SPATA3: variants seen among roughly 807,000 people sequenced by gnomAD.
SPATA3 encodes the protein spermatogenesis associated 3.
A neutral mutation model predicts 5.7 loss-of-function variants in SPATA3; 6 were observed. The ratio of observed to expected loss-of-function variants is 1.06; its 90% CI spans 0.58 to 2.09. SPATA3 has a LOEUF of 2.09. Ranked by LOEUF, SPATA3 falls within the 30% of genes most tolerant of loss-of-function variation. SPATA3 has a pLI of 0.00. For missense variants in SPATA3, 155 were observed against 130.4 expected, an observed-to-expected ratio of 1.19 and a Z score of -0.92; for synonymous variants, 44 against 48.4, an observed-to-expected ratio of 0.91 and a Z score of 0.37.
downstream of SPATA3, among the ~76,000 whole-genome samples, chr2:231,005,553 C>T (rs370464208): frequency 3.6e-4 from 23 of 63,184 alleles, no homozygotes; most frequent in South Asian, 4.8e-4. Flanking sequence ...ATCATCACCA[C>T]CACCATCATC....
chr2:230,997,762 G>A (rs948730473), intron 1 of SPATA3, among the ~76,000 whole-genome samples: 1 of 152,230 alleles, frequency 6.6e-6, no homozygotes, highest in Non-Finnish European at 1.5e-5. Context: ...GGGAATTCAA[G>A]TGGAGTTCAG....
At chr2:230,999,380 G>A (rs1261106040) in intron 1 of SPATA3, among the ~76,000 whole-genome samples, 1 of 151,988 alleles carries the variant, frequency 6.6e-6, no homozygotes, top group African/African-American at 2.4e-5. Flanking sequence ...TTATTGCCTG[G>A]GAATGATATC....
At chr2:231,016,156 A>G (rs993317056) in intron 6 of SPATA3, among the ~76,000 whole-genome samples, 1 of 152,102 alleles carries the variant, frequency 6.6e-6, no homozygotes, top group African/African-American at 2.4e-5. Context: ...CTCACAAGAC[A>G]GAACTGTTGT....
At chr2:231,003,783 C>T (rs1015558129), downstream of SPATA3, among the ~76,000 whole-genome samples, 69 of 152,300 alleles carry the variant, frequency 4.5e-4, no homozygotes, top group African/African-American at 1.5e-3. Context: ...CGTCTGTTTT[C>T]CTTGCCTTTG....
At chr2:231,011,808 C>A (rs1481130307), downstream of SPATA3, among the ~76,000 whole-genome samples, 2 of 152,178 alleles carry the variant, frequency 1.3e-5, no homozygotes, top group East Asian at 3.8e-4. Context: ...CACCAATGAC[C>A]CATCAGAGGA....
chr2:230,998,296 C>T (rs1352262301), intron 1 of SPATA3, among the ~76,000 whole-genome samples: 3 of 152,198 alleles, frequency 2.0e-5, no homozygotes, highest in Non-Finnish European at 2.9e-5. Flanking sequence ...CCTTTCTTGA[C>T]ATATGATATT....
At chr2:231,000,426 C>A (rs560098123) in exon 2 of SPATA3, 1 of 1,547,550 alleles carries the variant, frequency 6.5e-7, no homozygotes, top group East Asian at 2.5e-5. Context: ...TGCAGCTCCG[C>A]TTGCTGGCGT....
chr2:230,999,915 A>T (rs1453903358), intron 1 of SPATA3: 1 of 160,546 alleles, frequency 6.2e-6, no homozygotes, highest in Admixed American at 6.5e-5. Context: ...CATATCCCTT[A>T]AATTAGCTGA....
downstream of SPATA3, chr2:231,002,794 T>A: frequency 6.7e-7 from 1 of 1,482,380 alleles, no homozygotes; most frequent in Non-Finnish European, 9.0e-7. Context: ...CACTGAATCC[T>A]TGTGAACAAG....
downstream of SPATA3, among the ~76,000 whole-genome samples, chr2:231,002,983 C>G (rs138362899): frequency 1.3e-5 from 2 of 152,150 alleles, no homozygotes; most frequent in Non-Finnish European, 2.9e-5. Context: ...TCTCAGATGA[C>G]GCTAGACTCA....
chr2:231,001,020 C>T (rs1271582204), intron 2 of SPATA3, among the ~76,000 whole-genome samples: 4 of 152,212 alleles, frequency 2.6e-5, no homozygotes, highest in South Asian at 4.1e-4. Flanking sequence ...AACTCATATG[C>T]CTCCTCCACA....
chr2:231,013,104 C>T (rs1182205816), intron 5 of SPATA3, among the ~76,000 whole-genome samples: 1 of 152,200 alleles, frequency 6.6e-6, no homozygotes, highest in African/African-American at 2.4e-5. Flanking sequence ...AGACGCTTCT[C>T]TTCTGTCCTC....
chr2:231,013,072 T>C (rs190933228), intron 5 of SPATA3, among the ~76,000 whole-genome samples: 1 of 152,230 alleles, frequency 6.6e-6, no homozygotes, highest in East Asian at 1.9e-4. Context: ...CTGCCAGGGA[T>C]CAAATCACAT....
chr2:231,015,438 G>A (rs1692905732), intron 6 of SPATA3, among the ~76,000 whole-genome samples: 1 of 152,082 alleles, frequency 6.6e-6, no homozygotes, highest in Non-Finnish European at 1.5e-5. Flanking sequence ...GGGTGGTGAG[G>A]CATAGACAGA....
At chr2:231,009,828 T>A (rs1320551584), downstream of SPATA3, among the ~76,000 whole-genome samples, 1 of 152,220 alleles carries the variant, frequency 6.6e-6, no homozygotes, top group Non-Finnish European at 1.5e-5. Context: ...CCTGTCACCC[T>A]CGGGAGCACT....
At chr2:231,014,355 CTA>C (rs1692873110) in intron 6 of SPATA3, 1 of 152,168 alleles carries the variant, frequency 6.6e-6, no homozygotes, top group Admixed American at 6.5e-5. Flanking sequence ...TAAGCAAGTG[CTA>C]TGTTTCAGTT....
At chr2:231,006,201 G>GAA (rs34214730), downstream of SPATA3, among the ~76,000 whole-genome samples, 562 of 104,030 alleles carry the variant, frequency 5.4e-3, 6 homozygotes, top group African/African-American at 0.02. Flanking sequence ...CCTGTCTCAA[G>GAA]AAAAAAAAAA....
chr2:230,996,301 G>A, intron 1 of SPATA3: 1 of 1,548,112 alleles, frequency 6.5e-7, no homozygotes, highest in Non-Finnish European at 8.7e-7. Flanking sequence ...CAGCATGCTA[G>A]CTCCAATTCC....
chr2:231,005,491 C>A (rs1201550961), downstream of SPATA3, among the ~76,000 whole-genome samples: 1 of 126,824 alleles, frequency 7.9e-6, no homozygotes, highest in African/African-American at 2.9e-5. Flanking sequence ...CCACCACCAT[C>A]ACCACCATCA....
Sources: gnomAD v4.1 joint callset for allele counts (sites outside exome capture counted in the v4.1 genomes callset) on GRCh38, gnomAD v4.1.1 for gene constraint, MANE v1.5 for transcripts, NCBI Gene and HGNC (gene_info 2026-07-23, HGNC 2026-07-21) for gene names.